The following ZNF469 variants were observed in gnomAD, a reference collection of about 807,000 sequenced individuals.
ZNF469 encodes zinc finger protein 469.
A neutral mutation model predicts 1.0 loss-of-function variants in ZNF469; 1 was observed. The observed-to-expected ratio is 1.00, with a 90% CI of 0.35 to 4.73. ZNF469 has a LOEUF of 4.73. Among genes scored for constraint, ZNF469 ranks in the 30% most tolerant of loss-of-function variants. The pLI, the probability that ZNF469 is intolerant of heterozygous loss-of-function variation, is 0.16. For synonymous variants in ZNF469, 2,703 were observed against 2,363.4 expected, an observed-to-expected ratio of 1.14 and a Z score of -4.17; for missense variants, 6,100 against 5,356.3, an observed-to-expected ratio of 1.14 and a Z score of -4.33.
the ZNF469 span, among the ~76,000 whole-genome samples, chr16:88,113,110 C>A: frequency 6.6e-6 from 1 of 152,214 alleles, no homozygotes; most frequent in Admixed American, 6.5e-5. Context: ...TCGAGGTGGC[C>A]CCATTTGCCT....
the ZNF469 span, among the ~76,000 whole-genome samples, chr16:88,168,056 G>A: frequency 6.6e-6 from 1 of 152,186 alleles, no homozygotes; most frequent in African/African-American, 2.4e-5. The surrounding 1 kb of genome is among the most constrained non-coding windows in gnomAD (Gnocchi z 4.3). Context: ...AGGGAGACGT[G>A]AGCCATGTGT....
At chr16:88,247,945 G>A in the ZNF469 span, among the ~76,000 whole-genome samples, 186 of 152,342 alleles carry the variant, frequency 1.2e-3, no homozygotes, top group African/African-American at 4.3e-3. Context: ...CCCTCGGAAC[G>A]TATAAGCATT....
the ZNF469 span, among the ~76,000 whole-genome samples, chr16:88,273,871 C>G: frequency 2.5e-4 from 37 of 145,448 alleles, no homozygotes; most frequent in African/African-American, 9.3e-4. Flanking sequence ...GTGGCGCGAT[C>G]TCGGCTCACT....
In ZNF469 at chr16:88,436,479, G is replaced by C. The variant is rs762354725; in HGVS notation, c.9009G>C (p.Pro3003=). ...CGGCTTGGCGAGGCCTGGAGATGCC[G>C]GCCCCTGCCGATGACTCCTCCTCTT... is the stretch of plus-strand genomic sequence containing the variant. ...VPAAWRGLEM[P]APADDSSSSL... is the part of the protein sequence containing the mutation. The change falls in exon 3 of 3, where the codon CCG becomes CCC. Residue 3003 remains proline (P), a synonymous_variant. Transcript: ENST00000565624. The C allele has an allele frequency of 1.9e-6, 3 of 1,546,876 alleles. No individual in the cohort carries two copies. Among genetic ancestry groups the C allele is most frequent in the Non-Finnish European group, 2.6e-6 (3 of 1,146,956 alleles).
At chr16:88,364,551 A>G in the ZNF469 span, among the ~76,000 whole-genome samples, 1 of 151,422 alleles carries the variant, frequency 6.6e-6, no homozygotes, top group African/African-American at 2.4e-5. Flanking sequence ...TGTTTAATCC[A>G]GAGATCAATC....
Position 88,435,663 on chromosome 16 carries a change from T to C in ZNF469, c.8193T>C (p.Cys2731=), listed in dbSNP as rs1906519095. 1.3e-6 allele frequency: 2 copies of C among 1,550,286 alleles called. No individual in the cohort carries two copies. Among genetic ancestry groups the C allele is most frequent in the Non-Finnish European group, 1.7e-6 (2 of 1,146,956 alleles). Residue 2731 remains cysteine, a synonymous_variant, in exon 3 of 3, where the codon TGT becomes TGC. Coordinates refer to ENST00000565624, the MANE Select transcript of ZNF469 (RefSeq NM_001367624.2). ...AGCCACCTGGAGATCGGATGCTGTG[T>C]CCAGGGAGGATGGATGGTGCAGCTC... The part of the protein sequence containing the change: ...AQKPPGDRML[C]PGRMDGAALG...
chr16:88,119,169 G>A, the ZNF469 span, among the ~76,000 whole-genome samples: 1 of 152,232 alleles, frequency 6.6e-6, no homozygotes, highest in Non-Finnish European at 1.5e-5. Flanking sequence ...AAGAAAGATA[G>A]TAAGTGAAGA....
At chr16:88,417,240 G>T (rs1421980145) in intron 1 of ZNF469, among the ~76,000 whole-genome samples, 2 of 152,138 alleles carry the variant, frequency 1.3e-5, no homozygotes, top group African/African-American at 2.4e-5. Context: ...GTGGCCTGGG[G>T]CAGGCCCACA....
chr16:88,431,433 C>T lies in ZNF469; in HGVS notation c.3963C>T (p.Ala1321=), dbSNP rs1365038432. 5 of 1,550,366 alleles carry T rather than the reference C, an allele frequency of 3.2e-6. No individual in the cohort carries two copies. The highest frequency in any genetic ancestry group is 3.5e-6 in the Non-Finnish European group (4 of 1,146,986). ...PVSHNSKDPP[A]RQPGEFLAPV... ...CCCACAACAGCAAGGACCCCCCTGC[C>T]CGCCAGCCTGGAGAATTTCTGGCAC... Residue 1321 remains alanine, a synonymous_variant, in exon 3 of 3, where the codon GCC becomes GCT. Coordinates refer to ENST00000565624, the MANE Select transcript of ZNF469 (RefSeq NM_001367624.2).
chr16:88,178,384 C>G, the ZNF469 span: 2 of 152,176 alleles, frequency 1.3e-5, no homozygotes, highest in South Asian at 4.1e-4. Context: ...ATGGGGCACT[C>G]CGGCGTTCTG....
chr16:88,250,634 A>C, the ZNF469 span, among the ~76,000 whole-genome samples: 12 of 152,130 alleles, frequency 7.9e-5, no homozygotes, highest in Non-Finnish European at 1.5e-4. Context: ...CGGTTTTTGC[A>C]TAGGTTTCTG....
At chr16:88,149,723 G>A in the ZNF469 span, among the ~76,000 whole-genome samples, 1 of 152,128 alleles carries the variant, frequency 6.6e-6, no homozygotes, top group African/African-American at 2.4e-5. Context: ...CAGGGCATTG[G>A]GCCTCAGCTC....
At chr16:88,353,183 G>GT in the ZNF469 span, among the ~76,000 whole-genome samples, 1 of 152,060 alleles carries the variant, frequency 6.6e-6, no homozygotes, top group Non-Finnish European at 1.5e-5. Context: ...CTCCGAGGCC[G>GT]TAAGTCTCAC....
At chr16:88,260,240 C>T in the ZNF469 span, among the ~76,000 whole-genome samples, 4 of 152,242 alleles carry the variant, frequency 2.6e-5, no homozygotes, top group East Asian at 1.9e-4. This position sits in a 1 kb window ranked among gnomAD's most constrained non-coding sequence, Gnocchi z 4.1. Flanking sequence ...CCTCCCACCT[C>T]GGCCTCCCGA....
chr16:88,119,620 G>A, the ZNF469 span, among the ~76,000 whole-genome samples: 11 of 152,342 alleles, frequency 7.2e-5, no homozygotes, highest in South Asian at 2.3e-3. Context: ...AGAGGATGGG[G>A]TGGAGACACA....
chr16:88,323,379 G>T, the ZNF469 span, among the ~76,000 whole-genome samples: 462 of 152,334 alleles, frequency 3.0e-3, 3 homozygotes, highest in African/African-American at 0.01. Flanking sequence ...CAAGATGATG[G>T]CTGCTTACCT....
chr16:88,380,744 A>G (rs895357007), upstream of ZNF469, among the ~76,000 whole-genome samples: 5 of 148,928 alleles, frequency 3.4e-5, no homozygotes, highest in Non-Finnish European at 5.9e-5. Flanking sequence ...GCACTCACAC[A>G]CAGACATGCA....
In ZNF469 at chr16:88,428,667, C is replaced by G. The variant is rs1449999184; in HGVS notation, c.1197C>G (p.Ser399Arg). 6.5e-7 allele frequency: 1 copy of G among 1,549,904 alleles called. No homozygotes were observed. The highest frequency in any genetic ancestry group is 1.4e-5 in the African/African-American group (1 of 73,008). Reference sequence around the variant, plus strand: ...TGGGGAGCACGAGAGGGCCCCCTAGCTCCCTACCCCAGAGGCACTTTCCAG... The same window carrying G: ...TGGGGAGCACGAGAGGGCCCCCTAGGTCCCTACCCCAGAGGCACTTTCCAG... ...DGLGSTRGPP[S>R]SLPQRHFPGQ... Residue 399 changes from serine (S) to arginine (R), a missense_variant, in exon 3 of 3, where the codon AGC (serine) becomes AGG (arginine). Ser to Arg is a moderately radical substitution (Grantham distance 110). Coordinates refer to ENST00000565624, the MANE Select transcript of ZNF469 (RefSeq NM_001367624.2).
chr16:88,188,450 G>A, the ZNF469 span, among the ~76,000 whole-genome samples: 4 of 152,342 alleles, frequency 2.6e-5, no homozygotes, highest in East Asian at 7.7e-4. Flanking sequence ...TGGACGGCAT[G>A]GGCTGCTTAA....
Sources: allele counts gnomAD v4.1 joint callset (sites outside exome capture counted in the v4.1 genomes callset), GRCh38; gene constraint gnomAD v4.1.1; non-coding constraint Gnocchi (gnomAD v3.1); transcripts MANE v1.5; gene names NCBI Gene and HGNC (gene_info 2026-07-23, HGNC 2026-07-21).